The following HELZ variants were observed in gnomAD, a reference collection of about 807,000 sequenced individuals.
The protein encoded by HELZ is helicase with zinc finger.
In HELZ, 23 loss-of-function variants were observed where a neutral mutation model predicts 218.2. That is an observed-to-expected ratio of 0.11 (90% CI 0.08 to 0.15). The LOEUF (loss-of-function observed/expected upper bound fraction) is 0.15, where lower values mean the gene tolerates loss of function less well. HELZ is among the 10% of genes least tolerant of loss of function. The pLI is 1.00. For missense variants in HELZ, 1,813 were observed against 2,353.7 expected, an observed-to-expected ratio of 0.77 and a Z score of 4.75; for synonymous variants, 814 against 829.4, an observed-to-expected ratio of 0.98 and a Z score of 0.32.
chr17:67,120,166 G>A, intron 27 of HELZ: 1 of 413,072 alleles, frequency 2.4e-6, no homozygotes, highest in Non-Finnish European at 4.5e-6. Context: ...ACCATGCCCG[G>A]CTAATTTTTT....
chr17:67,150,153 T>TTTTG (rs1491081813), intron 18 of HELZ, 168 bp from the exon 19 acceptor site: 1 of 435,538 alleles, frequency 2.3e-6, no homozygotes, highest in Admixed American at 3.7e-5. Context: ...TTTTTTTTTT[T>TTTTG]GAGACAGGGT....
At chr17:67,130,017 T>C (rs1289151200) in intron 23 of HELZ, among the ~76,000 whole-genome samples, 1 of 152,160 alleles carries the variant, frequency 6.6e-6, no homozygotes, top group East Asian at 1.9e-4. Context: ...GTTTATATTA[T>C]AAAAGTTAGT....
At position 67,188,749 on chromosome 17, in the gene HELZ, G is replaced by GA; in HGVS notation, c.865-134dup. 3 of 655,174 alleles carry GA rather than the reference G, an allele frequency of 4.6e-6. No individual in the cohort carries two copies. The highest frequency in any genetic ancestry group is 2.3e-5 in the South Asian group (1 of 42,574). The allele number at this position is 655,174 out of a possible 1,614,324, so 40.6% of individuals were successfully genotyped here. A position where few individuals can be genotyped will look rare whatever the true frequency, so the allele number is the denominator to read the frequency against. ...CTTCTAAGATACTATAGCCATTTAA[G>GA]AAAAAAATCAGAATGGTTTTTTAAA... is the stretch of plus-strand genomic sequence containing the variant. On this transcript the variant is annotated intron_variant, in intron 11 of 32. Coordinates refer to ENST00000358691, the MANE Select transcript of HELZ (RefSeq NM_014877.4). The surrounding 1 kb of genome is among the most constrained non-coding windows in gnomAD (Gnocchi z 4.1).
At chr17:67,155,570 TA>T in intron 17 of HELZ, among the ~76,000 whole-genome samples, 1 of 152,232 alleles carries the variant, frequency 6.6e-6, no homozygotes, top group African/African-American at 2.4e-5. Flanking sequence ...TAATAAACAC[TA>T]AAAATGAAGC....
intron 5 of HELZ, among the ~76,000 whole-genome samples, chr17:67,209,004 AAAGGAAGGAAGG>A (rs145781100): frequency 7.7e-6 from 1 of 130,110 alleles, no homozygotes; most frequent in Admixed American, 7.8e-5. Flanking sequence ...AGGAAGGCAA[AAAGGAAGGAAGG>A]AAGGAAGGAA....
chr17:67,165,479 T>C (rs1430319960), intron 15 of HELZ, among the ~76,000 whole-genome samples: 2 of 152,132 alleles, frequency 1.3e-5, no homozygotes, highest in Non-Finnish European at 2.9e-5. Flanking sequence ...AGAGGCTCCA[T>C]TAGTCTTGGA....
chr17:67,237,175 C>G (rs2041205935), intron 3 of HELZ, among the ~76,000 whole-genome samples: 1 of 151,986 alleles, frequency 6.6e-6, no homozygotes, highest in African/African-American at 2.4e-5. Flanking sequence ...TCCCAAGCTA[C>G]TAGGGAGGCT....
intron 12 of HELZ, among the ~76,000 whole-genome samples, chr17:67,180,163 C>T (rs1472504225): frequency 6.6e-6 from 1 of 152,036 alleles, no homozygotes; most frequent in Non-Finnish European, 1.5e-5. Context: ...AGATGGTCTG[C>T]TTATTAAAAA....
chr17:67,086,524 T>C (rs2036377687), intron 32 of HELZ, among the ~76,000 whole-genome samples: 1 of 145,826 alleles, frequency 6.9e-6, no homozygotes. Context: ...GAGGTTGCAA[T>C]GAGCCGAGAT....
intron 5 of HELZ, among the ~76,000 whole-genome samples, chr17:67,210,812 CT>C (rs2040430302): frequency 6.6e-6 from 1 of 152,094 alleles, no homozygotes; most frequent in African/African-American, 2.4e-5. Flanking sequence ...GTCCCAGCTA[CT>C]TGGGAGGCTG....
chr17:67,221,808 A>G (rs1170523303), intron 3 of HELZ, among the ~76,000 whole-genome samples: 1 of 151,898 alleles, frequency 6.6e-6, no homozygotes, highest in Non-Finnish European at 1.5e-5. Flanking sequence ...CACTTTATAT[A>G]AAGTTTTTTG....
At chr17:67,189,329 T>C (rs988124807) in intron 11 of HELZ, among the ~76,000 whole-genome samples, 3 of 151,964 alleles carry the variant, frequency 2.0e-5, no homozygotes, top group Non-Finnish European at 4.4e-5. Flanking sequence ...TAGAAGACAA[T>C]ATGTCAAAGA....
chr17:67,086,596 A>AGGG (rs2036380660), intron 32 of HELZ, among the ~76,000 whole-genome samples: 1 of 130,272 alleles, frequency 7.7e-6, no homozygotes, highest in South Asian at 2.3e-4. Context: ...ATATATACAT[A>AGGG]TATTAATATA....
At chr17:67,118,179 C>T (rs1356718041) in intron 27 of HELZ, among the ~76,000 whole-genome samples, 1 of 152,190 alleles carries the variant, frequency 6.6e-6, no homozygotes, top group Non-Finnish European at 1.5e-5. Context: ...TAAACATAAA[C>T]ATATGCATTA....
Position 67,160,944 on chromosome 17 carries a change from G to A in HELZ, c.2028C>T (p.Phe676=), listed in dbSNP as rs770591903. The A allele has an allele frequency of 1.9e-6, 3 of 1,613,432 alleles. No individual in the cohort carries two copies. Among genetic ancestry groups the A allele is most frequent in the Non-Finnish European group, 2.5e-6 (3 of 1,179,666 alleles). ...TATGTTTGACAGCCTGAGCTAGAGT[G>A]AACGTTTTGCCTGTCCCATAGGGTC... ...IIGPYGTGKT[F]TLAQAVKHIL... The change falls in exon 16 of 33, where the codon TTC becomes TTT. Residue 676 remains phenylalanine (F), a synonymous_variant. Transcript: ENST00000358691.
chr17:67,096,518 T>C (rs1168791080), intron 31 of HELZ, among the ~76,000 whole-genome samples: 2 of 152,252 alleles, frequency 1.3e-5, no homozygotes, highest in Non-Finnish European at 2.9e-5. Context: ...TCAATGATCT[T>C]AGCTAGATCT....
chr17:67,194,083 G>C (rs753280947), intron 8 of HELZ, 41 bp from the exon 9 acceptor site: 2 of 1,383,190 alleles, frequency 1.4e-6, no homozygotes, highest in Non-Finnish European at 2.0e-6. Context: ...TTTGAGGCTA[G>C]CCAGTAATTC....
chr17:67,211,796 G>C (rs1329861823), intron 5 of HELZ, among the ~76,000 whole-genome samples: 1 of 152,116 alleles, frequency 6.6e-6, no homozygotes, highest in Non-Finnish European at 1.5e-5. Context: ...GTAAGGCAGA[G>C]GTTGCAGTGA....
chr17:67,150,897 T>C lies in HELZ; in HGVS notation c.2356+149A>G, dbSNP rs1420047773. Reference sequence around the variant, plus strand: ...GTAACACAAAAGCATCTATAGACAATAAATAGGTAAATAAATGAGCCAGTA... The same window carrying C: ...GTAACACAAAAGCATCTATAGACAACAAATAGGTAAATAAATGAGCCAGTA... On this transcript the variant is annotated intron_variant, in intron 18 of 32. Transcript: ENST00000358691. The C allele has an allele frequency of 4.6e-6, 3 of 645,984 alleles. No individual in the cohort carries two copies. In the African/African-American group the frequency reaches 5.5e-5, roughly 12 times the overall value. The allele number at this position is 645,984 out of a possible 1,614,324, so 40.0% of individuals were successfully genotyped here.
Sources: allele counts gnomAD v4.1 joint callset (sites outside exome capture counted in the v4.1 genomes callset), GRCh38; gene constraint gnomAD v4.1.1; non-coding constraint Gnocchi (gnomAD v3.1); transcripts MANE v1.5; gene names NCBI Gene and HGNC (gene_info 2026-07-23, HGNC 2026-07-21).